SMIM31: variants seen among roughly 807,000 people sequenced by gnomAD.
SMIM31 encodes small integral membrane protein 31, also known as human epithelial cell program regulator.
intron 1 of SMIM31, among the ~76,000 whole-genome samples, chr4:164,758,801 ATTTTTTTTTTTTTTTTTTTTTTTT>A (rs35632469): frequency 1.6e-4 from 10 of 60,914 alleles, no homozygotes; most frequent in Middle Eastern, 0.019. Context: ...GCCCGGCCAA[ATTTTTTTTTTTTTTTTTTTTTTTT>A]TTTTTTTTTT....
intron 1 of SMIM31, among the ~76,000 whole-genome samples, chr4:164,768,506 G>A (rs1361412867): frequency 1.3e-5 from 2 of 150,944 alleles, no homozygotes; most frequent in East Asian, 1.9e-4. Flanking sequence ...CACCACACAT[G>A]AGCTATGTGT....
At chr4:164,799,519 A>T (rs1328564827) in intron 2 of SMIM31, among the ~76,000 whole-genome samples, 1 of 152,236 alleles carries the variant, frequency 6.6e-6, no homozygotes, top group Admixed American at 6.5e-5. Context: ...CCCCAGCTCA[A>T]GTAGTGAGGC....
At position 164,784,631 on chromosome 4, in the gene SMIM31, G is replaced by GT. The variant is rs1733002791; in HGVS notation, c.112+14079dup. The stretch of plus-strand genomic sequence containing the variant: ...CTGGGAGAAATAAGACTTACTAACA[G>GT]TTTGCTTCCTACAGTGCTGAAATGG... On this transcript the variant is annotated intron_variant, in intron 2 of 2. Transcript: ENST00000507311. 3.9e-5 allele frequency among the ~76,000 whole-genome samples: 6 copies of GT among 152,124 alleles called. 1 individual carries two copies. The highest frequency in any genetic ancestry group is 3.9e-4 in the Admixed American group (6 of 15,282).
chr4:164,763,289 T>G (rs1317238994), intron 1 of SMIM31, among the ~76,000 whole-genome samples: 2 of 152,160 alleles, frequency 1.3e-5, no homozygotes, highest in Non-Finnish European at 2.9e-5. Context: ...TTTCCAAAAT[T>G]CTTCAACATG....
At chr4:164,766,693 G>C (rs942399248) in intron 1 of SMIM31, among the ~76,000 whole-genome samples, 7 of 152,044 alleles carry the variant, frequency 4.6e-5, no homozygotes, top group African/African-American at 1.7e-4. Flanking sequence ...AGCTACTCGG[G>C]GGACTGAGGC....
intron 1 of SMIM31, among the ~76,000 whole-genome samples, chr4:164,756,597 CAAAT>C (rs1732564980): frequency 6.6e-6 from 1 of 150,892 alleles, no homozygotes; most frequent in South Asian, 2.1e-4. Context: ...ATAATATAAA[CAAAT>C]AAAAAGATAT....
intron 2 of SMIM31, chr4:164,787,312 C>T (rs1733037118): frequency 6.6e-6 from 1 of 151,548 alleles, no homozygotes; most frequent in African/African-American, 2.4e-5. Flanking sequence ...GCAACACATG[C>T]ACTAAAATTG....
chr4:164,768,427 C>CAAAAAAAAAAAAAA lies in SMIM31; in HGVS notation c.-25-1989_-25-1976dup, dbSNP rs758951225. Among the ~76,000 whole-genome samples the CAAAAAAAAAAAAAA allele has an allele frequency of 6.3e-4, 60 of 94,608 alleles. 2 individuals carry two copies. Among genetic ancestry groups the CAAAAAAAAAAAAAA allele is most frequent in the Middle Eastern group, 5.4e-3 (1 of 184 alleles). 62.1% of individuals were successfully genotyped at this position (94,608 alleles called of 152,430 possible). A position where few individuals can be genotyped will look rare whatever the true frequency, so the allele number is the denominator to read the frequency against. ...CTGGGTGACGAGCAACAGTACATCTCAAAAAAAAAAAAAAAAGAATGAGGA... is the reference window on the plus strand; with the variant it reads ...CTGGGTGACGAGCAACAGTACATCTCAAAAAAAAAAAAAAAAAAAAAAAAAAAAAAGAATGAGGA... On this transcript the variant is annotated intron_variant, in intron 1 of 2. Transcript: ENST00000507311.
intron 1 of SMIM31, among the ~76,000 whole-genome samples, chr4:164,767,891 T>C (rs1054553402): frequency 9.2e-5 from 14 of 152,126 alleles, no homozygotes; most frequent in Admixed American, 2.0e-4. Context: ...AGACCATTAT[T>C]TTGCGTTTAT....
chr4:164,786,725 C>T (rs962558980), intron 2 of SMIM31, among the ~76,000 whole-genome samples: 2 of 152,120 alleles, frequency 1.3e-5, no homozygotes, highest in Admixed American at 6.5e-5. Flanking sequence ...CCAATGAAGC[C>T]GGATTAAATT....
intron 1 of SMIM31, among the ~76,000 whole-genome samples, chr4:164,766,479 T>C (rs1439439464): frequency 6.6e-6 from 1 of 151,968 alleles, no homozygotes; most frequent in Non-Finnish European, 1.5e-5. Flanking sequence ...CATAGAACTT[T>C]AATGGGGAAA....
chr4:164,782,061 C>A (rs374552324), intron 2 of SMIM31, among the ~76,000 whole-genome samples: 1 of 151,998 alleles, frequency 6.6e-6, no homozygotes, highest in Admixed American at 6.6e-5. Flanking sequence ...GAGGTTGAGG[C>A]GGGTGGATCA....
At chr4:164,771,587 G>C (rs1452374762) in intron 2 of SMIM31, among the ~76,000 whole-genome samples, 1 of 151,770 alleles carries the variant, frequency 6.6e-6, no homozygotes, top group Non-Finnish European at 1.5e-5. Context: ...GGATCACGAG[G>C]TCAGGAGATC....
chr4:164,791,906 C>T (rs1560831799), intron 2 of SMIM31, among the ~76,000 whole-genome samples: 1 of 152,130 alleles, frequency 6.6e-6, no homozygotes, highest in Non-Finnish European at 1.5e-5. Context: ...TATGCCTTTG[C>T]GTATCTACAG....
At chr4:164,755,398 T>C (rs1560821352) in intron 1 of SMIM31, among the ~76,000 whole-genome samples, 1 of 150,292 alleles carries the variant, frequency 6.7e-6, no homozygotes, top group Non-Finnish European at 1.5e-5. Context: ...GAGAATCACT[T>C]GAGCCCAGGA....
chr4:164,791,638 G>T (rs1194026855), intron 2 of SMIM31, among the ~76,000 whole-genome samples: 1 of 152,112 alleles, frequency 6.6e-6, no homozygotes, highest in Non-Finnish European at 1.5e-5. Flanking sequence ...AATGTCTACA[G>T]TAATCATCTA....
chr4:164,780,672 A>G (rs559451895), intron 2 of SMIM31, among the ~76,000 whole-genome samples: 20 of 152,374 alleles, frequency 1.3e-4, no homozygotes, highest in African/African-American at 4.1e-4. Flanking sequence ...TTATAATACT[A>G]TTTTTGAAAT....
chr4:164,779,089 G>T (rs544895552), intron 2 of SMIM31, among the ~76,000 whole-genome samples: 1 of 151,886 alleles, frequency 6.6e-6, no homozygotes, highest in Non-Finnish European at 1.5e-5. Flanking sequence ...AACTAGGTTT[G>T]ATTGAACATA....
chr4:164,802,565 C>T lies in SMIM31; in HGVS notation c.*1371C>T, dbSNP rs776479318. On this transcript the variant is annotated 3_prime_UTR_variant, in exon 3 of 3. Coordinates refer to ENST00000507311, the MANE Select transcript of SMIM31 (RefSeq NM_001352885.1). ...ATTTATAACTCTTACAAACATTAAA[C>T]CATCACAATCAATGCTGGCAGCATT... 1.3e-5 allele frequency: 2 copies of T among 152,184 alleles called. No individual in the cohort carries two copies. Among genetic ancestry groups the T allele is most frequent in the Non-Finnish European group, 2.9e-5 (2 of 68,036 alleles). The allele number at this position is 152,184 out of a possible 1,614,324, so 9.4% of individuals were successfully genotyped here.
Sources: gnomAD v4.1 joint callset for allele counts (sites outside exome capture counted in the v4.1 genomes callset) on GRCh38, gnomAD v4.1.1 for gene constraint, MANE v1.5 for transcripts, NCBI Gene and HGNC (gene_info 2026-07-23, HGNC 2026-07-21) for gene names.